Variants in GLIS3 observed in about 807,000 individuals in gnomAD.
GLIS3 encodes the protein GLIS family zinc finger 3, also known as zinc finger protein GLIS3.
Under a neutral mutation model 78.6 loss-of-function variants are expected in GLIS3, and 53 were observed. That is an observed-to-expected ratio of 0.67 (90% CI 0.54 to 0.85). The LOEUF (loss-of-function observed/expected upper bound fraction) is 0.85. Ranked by LOEUF, GLIS3 falls within the 40% of genes least tolerant of loss-of-function variation. GLIS3 has a pLI of 0.00. For synonymous variants in GLIS3, 684 were observed against 509.9 expected (o/e 1.34, Z -4.60); for missense variants, 1,703 against 1,231.1 (o/e 1.38, Z -5.74).
chr9:4,170,659 A>G (rs1816300245), intron 2 of GLIS3, among the ~76,000 whole-genome samples: 1 of 152,198 alleles, frequency 6.6e-6, no homozygotes, highest in South Asian at 2.1e-4. Flanking sequence ...CAGAAGGCTT[A>G]CACGAAATGT....
intron 2 of GLIS3, among the ~76,000 whole-genome samples, chr9:4,178,577 A>G (rs759356625): frequency 1.3e-5 from 2 of 152,236 alleles, no homozygotes; most frequent in Non-Finnish European, 2.9e-5. Flanking sequence ...CTTGACCTAC[A>G]TATACCTTAG....
chr9:4,420,277 G>T, the GLIS3 span, among the ~76,000 whole-genome samples: 6 of 152,174 alleles, frequency 3.9e-5, no homozygotes, highest in Non-Finnish European at 8.8e-5. Flanking sequence ...GAATAGGCCA[G>T]GAGTTTTAAG....
the GLIS3 span, among the ~76,000 whole-genome samples, chr9:4,453,457 C>G: frequency 6.6e-6 from 1 of 151,228 alleles, no homozygotes; most frequent in African/African-American, 2.4e-5. Flanking sequence ...TATCCAGAAT[C>G]TACAAAGAAC....
chr9:4,412,522 C>A, the GLIS3 span, among the ~76,000 whole-genome samples: 10 of 152,144 alleles, frequency 6.6e-5, no homozygotes, highest in African/African-American at 9.7e-5. Flanking sequence ...TCTGTGTATT[C>A]CCCTGCTAGA....
chr9:4,011,542 C>A (rs1485152733), intron 4 of GLIS3, among the ~76,000 whole-genome samples: 2 of 152,164 alleles, frequency 1.3e-5, no homozygotes, highest in East Asian at 3.8e-4. Flanking sequence ...ACGGGCAGCC[C>A]ATTCACAAAG....
chr9:4,480,268 A>G, the GLIS3 span, among the ~76,000 whole-genome samples: 1 of 147,266 alleles, frequency 6.8e-6, no homozygotes, highest in East Asian at 2.0e-4. Context: ...GCAGTGGCAT[A>G]ATCACAGCTC....
intron 2 of GLIS3, among the ~76,000 whole-genome samples, chr9:4,261,698 A>G (rs144704516): frequency 7.2e-5 from 11 of 152,274 alleles, no homozygotes; most frequent in African/African-American, 1.9e-4. Flanking sequence ...TCTGCCTTTC[A>G]TCTTTGTCAA....
At chr9:4,452,380 A>G in the GLIS3 span, among the ~76,000 whole-genome samples, 3 of 152,182 alleles carry the variant, frequency 2.0e-5, no homozygotes, top group African/African-American at 7.2e-5. Context: ...AGGAAGTCAA[A>G]ATGTCTCTGT....
the GLIS3 span, among the ~76,000 whole-genome samples, chr9:4,486,255 C>T: frequency 6.6e-6 from 1 of 152,248 alleles, no homozygotes; most frequent in East Asian, 1.9e-4. Context: ...CTTCCCCTGC[C>T]ACCGTCTCCC....
At chr9:4,342,685 G>A (rs142320476) in intron 2 of GLIS3, among the ~76,000 whole-genome samples, 7 of 152,232 alleles carry the variant, frequency 4.6e-5, no homozygotes, top group Middle Eastern at 3.4e-3. Flanking sequence ...AATTGCTTTG[G>A]GCAGTATGGC....
chr9:3,834,737 A>G lies in GLIS3; in HGVS notation c.2474-5245T>C, dbSNP rs148385772. On this transcript the variant is annotated intron_variant, in intron 9 of 10. Transcript: ENST00000381971. ...TTTTCCTTGCAAATTTGCCACTTCA[A>G]TCTTTGTGGAAGGAACCAGAATATA... 7.5e-4 allele frequency among the ~76,000 whole-genome samples: 114 copies of G among 152,284 alleles called. 2 individuals carry two copies. In the East Asian group the frequency reaches 0.02, roughly 27 times the overall value.
intron 7 of GLIS3, among the ~76,000 whole-genome samples, chr9:3,895,674 T>G (rs1300401054): frequency 6.6e-6 from 1 of 152,222 alleles, no homozygotes; most frequent in East Asian, 1.9e-4. Context: ...AGTGCAAGAC[T>G]TGTATGTTCC....
At chr9:4,476,227 G>A in the GLIS3 span, among the ~76,000 whole-genome samples, 4 of 152,054 alleles carry the variant, frequency 2.6e-5, no homozygotes, top group African/African-American at 7.2e-5. Flanking sequence ...TCAAATTGAT[G>A]GAATAACACA....
Position 4,026,648 on chromosome 9 carries a change from T to G in GLIS3, c.1711-89459A>C, listed in dbSNP as rs142683149. 5.0e-3 allele frequency among the ~76,000 whole-genome samples: 756 copies of G among 152,312 alleles called. 7 individuals carry two copies. Among genetic ancestry groups the G allele is most frequent in the African/African-American group, 0.018 (735 of 41,578 alleles). The stretch of plus-strand genomic sequence containing the variant: ...AAAACACAGATCATTTTGTGATAAA[T>G]AATATACTTCTAAACCTAACTAGTA... On this transcript the variant is annotated intron_variant, in intron 4 of 10. Transcript: ENST00000381971.
intron 9 of GLIS3, among the ~76,000 whole-genome samples, chr9:3,835,564 T>C (rs930758756): frequency 1.3e-5 from 2 of 152,236 alleles, no homozygotes; most frequent in Non-Finnish European, 2.9e-5. Flanking sequence ...GAGTCATCTA[T>C]TGTTTGACTT....
intron 4 of GLIS3, among the ~76,000 whole-genome samples, chr9:4,076,446 T>C (rs189159822): frequency 4.1e-4 from 62 of 152,296 alleles, no homozygotes; most frequent in African/African-American, 1.4e-3. Context: ...ATACCTAAAG[T>C]TTTGTTCTGA....
chr9:4,230,373 T>C (rs546232924), intron 2 of GLIS3, among the ~76,000 whole-genome samples: 2 of 152,212 alleles, frequency 1.3e-5, no homozygotes, highest in Non-Finnish European at 2.9e-5. Flanking sequence ...CAAACTACCA[T>C]GTGCTAGATG....
chr9:4,380,681 G>A, the GLIS3 span, among the ~76,000 whole-genome samples: 1 of 152,158 alleles, frequency 6.6e-6, no homozygotes, highest in African/African-American at 2.4e-5. Flanking sequence ...AGTTCTTTGA[G>A]AATACTTTGA....
At position 3,828,163 on chromosome 9, in the gene GLIS3, C is replaced by T; in HGVS notation, c.*109G>A. 2 of 1,279,940 alleles carry T rather than the reference C, an allele frequency of 1.6e-6. No individual in the cohort carries two copies. The highest frequency in any genetic ancestry group is 1.5e-5 in the African/African-American group (1 of 68,660). 79.3% of individuals were successfully genotyped at this position (1,279,940 alleles called of 1,614,324 possible). On this transcript the variant is annotated 3_prime_UTR_variant, in exon 11 of 11. Coordinates refer to ENST00000381971, the MANE Select transcript of GLIS3 (RefSeq NM_001042413.2). ...AAAGAACATCAGTAACTCTGCAGGG[C>T]CCGCTGATTGGGCTGACATCCTTCC... is the stretch of plus-strand genomic sequence containing the variant.
Sources: allele counts gnomAD v4.1 joint callset (sites outside exome capture counted in the v4.1 genomes callset), GRCh38; gene constraint gnomAD v4.1.1; transcripts MANE v1.5; gene names NCBI Gene and HGNC (gene_info 2026-07-23, HGNC 2026-07-21).